SEMA6A: variants seen among roughly 807,000 people sequenced by gnomAD.
SEMA6A encodes semaphorin 6A.
Under a neutral mutation model 96.8 loss-of-function variants are expected in SEMA6A, and 25 were observed. The observed-to-expected ratio is 0.26, with a 90% CI of 0.19 to 0.36. The LOEUF is 0.36. Among genes scored for constraint, SEMA6A ranks in the 10% least tolerant of loss-of-function variants. The probability of loss-of-function intolerance (pLI) is 1.00; values close to 1 mark genes in which losing one functional copy is unlikely to be tolerated. For synonymous variants in SEMA6A, 612 were observed against 518.0 expected (o/e 1.18, Z -2.46); for missense variants, 1,363 against 1,323.1 (o/e 1.03, Z -0.47).
intron 7 of SEMA6A, among the ~76,000 whole-genome samples, chr5:116,489,793 A>C (rs1432524641): frequency 3.3e-5 from 5 of 152,236 alleles, no homozygotes; most frequent in Admixed American, 3.3e-4. Context: ...ACTGAAGATT[A>C]GTCTCTAGAC....
intron 1 of SEMA6A, among the ~76,000 whole-genome samples, chr5:116,566,246 G>A (rs79966886): frequency 0.016 from 2,501 of 152,254 alleles, 38 homozygotes; most frequent in Non-Finnish European, 0.024. Context: ...GGCGTAAACA[G>A]CACCAACTTT....
intron 18 of SEMA6A, among the ~76,000 whole-genome samples, chr5:116,458,574 A>G (rs754146553): frequency 6.6e-6 from 1 of 152,202 alleles, no homozygotes; most frequent in Non-Finnish European, 1.5e-5. Context: ...TCAAGTCTCC[A>G]TAATCATAAT....
intron 1 of SEMA6A, among the ~76,000 whole-genome samples, chr5:116,553,883 TAAAA>T (rs1561533808): frequency 3.3e-5 from 5 of 152,220 alleles, no homozygotes; most frequent in Admixed American, 1.3e-4. Flanking sequence ...TACCATTTTT[TAAAA>T]TAAGTAATTA....
chr5:116,557,140 G>A (rs1450443285), intron 1 of SEMA6A, among the ~76,000 whole-genome samples: 1 of 152,224 alleles, frequency 6.6e-6, no homozygotes, highest in Non-Finnish European at 1.5e-5. Context: ...ATGTGTTGAA[G>A]TTTGAGAACT....
At chr5:116,501,241 T>C (rs191815813) in intron 3 of SEMA6A, among the ~76,000 whole-genome samples, 14 of 152,332 alleles carry the variant, frequency 9.2e-5, no homozygotes, top group African/African-American at 2.6e-4. Context: ...AGGATACTTA[T>C]GGCCAGACAA....
At chr5:116,520,885 C>G (rs1299980986) in intron 1 of SEMA6A, among the ~76,000 whole-genome samples, 1 of 152,152 alleles carries the variant, frequency 6.6e-6, no homozygotes, top group East Asian at 1.9e-4. Flanking sequence ...CTGTTCAGAG[C>G]AGGAAGCCAC....
Position 116,477,714 on chromosome 5 carries a change from G to C in SEMA6A, c.1649+132C>G, listed in dbSNP as rs17432634. ...ATGAAATGGGAAAGGGTAGGAGAAA[G>C]GCTGACAGTCCCGTTGCTGGAGTTT... On this transcript the variant is annotated intron_variant, in intron 15 of 18. Coordinates refer to ENST00000343348, the MANE Select transcript of SEMA6A (RefSeq NM_020796.5). 1,094 of 833,004 alleles carry C rather than the reference G, an allele frequency of 1.3e-3. 11 individuals carry two copies. Among genetic ancestry groups the C allele is most frequent in the Middle Eastern group, 0.013 (36 of 2,760 alleles). The allele number at this position is 833,004 out of a possible 1,614,324, so 51.6% of individuals were successfully genotyped here.
chr5:116,499,272 T>G (rs1186085739), intron 3 of SEMA6A: 1 of 152,214 alleles, frequency 6.6e-6, no homozygotes, highest in Non-Finnish European at 1.5e-5. Context: ...CCCAACCATC[T>G]TAGTGTACAT....
chr5:116,488,191 A>G lies in SEMA6A; in HGVS notation c.661T>C (p.Tyr221His). Reference protein sequence around the residue: ...KHDSKWLKEPYFVQAVDYGDY... With the variant: ...KHDSKWLKEPHFVQAVDYGDY... ...CCGTAATCCACGGCTTGAACAAAGT[A>G]TGGTTCTGTAGACAAACAGGCACTT... Residue 221 changes from tyrosine to histidine, a missense_variant, in exon 9 of 19, where the codon TAC (tyrosine) becomes CAC (histidine). Coordinates refer to ENST00000343348, the MANE Select transcript of SEMA6A (RefSeq NM_020796.5). 2 of 1,606,950 alleles carry G rather than the reference A, an allele frequency of 1.2e-6. No homozygotes were observed. Among genetic ancestry groups the G allele is most frequent in the Non-Finnish European group, 1.7e-6 (2 of 1,175,476 alleles).
At chr5:116,470,332 G>A (rs951191160) in intron 17 of SEMA6A, among the ~76,000 whole-genome samples, 1 of 152,174 alleles carries the variant, frequency 6.6e-6, no homozygotes, top group African/African-American at 2.4e-5. Context: ...ATTTGTGGAT[G>A]TGATATCATA....
intron 18 of SEMA6A, among the ~76,000 whole-genome samples, chr5:116,460,057 AAAAAAT>A (rs904314395): frequency 1.8e-4 from 27 of 151,954 alleles, no homozygotes; most frequent in Middle Eastern, 3.4e-3. Flanking sequence ...GAAAATGATA[AAAAAAT>A]AAAAATAAAA....
chr5:116,449,579 C>G (rs529622391), intron 18 of SEMA6A: 1 of 514,292 alleles, frequency 1.9e-6, no homozygotes, highest in East Asian at 3.2e-5. Context: ...TTTTAAAACC[C>G]AGAAACCTTA....
chr5:116,532,547 C>G (rs185876737), intron 1 of SEMA6A, among the ~76,000 whole-genome samples: 30 of 152,156 alleles, frequency 2.0e-4, no homozygotes, highest in Admixed American at 5.9e-4. Context: ...CTGATCCCTC[C>G]CCCCCAGTCC....
chr5:116,461,200 AAG>A (rs1373858275), intron 18 of SEMA6A, among the ~76,000 whole-genome samples: 3 of 152,108 alleles, frequency 2.0e-5, no homozygotes, highest in Non-Finnish European at 4.4e-5. Flanking sequence ...TCTAATTCAA[AAG>A]AGTTTTTGGA....
At chr5:116,550,111 T>C (rs926348286) in intron 1 of SEMA6A, 6 of 152,204 alleles carry the variant, frequency 3.9e-5, no homozygotes, top group African/African-American at 1.4e-4. Flanking sequence ...GCACTTTAAA[T>C]CACAGTCATT....
At chr5:116,548,947 T>G (rs573072480) in intron 1 of SEMA6A, among the ~76,000 whole-genome samples, 1 of 152,198 alleles carries the variant, frequency 6.6e-6, no homozygotes, top group Non-Finnish European at 1.5e-5. Flanking sequence ...CATGATCTTG[T>G]AGATAGAGTA....
Position 116,574,253 on chromosome 5 carries a change from G to A in SEMA6A, c.-107C>T, listed in dbSNP as rs1346866806. ...ACTGGTACAGCGTGTATCCCATTTA[G>A]TAATCCATTATCGAGGGGATCTCTC... On this transcript the variant is annotated 5_prime_UTR_variant, in exon 1 of 19. Transcript: ENST00000343348. The A allele has an allele frequency of 1.3e-5, 2 of 152,266 alleles. No homozygotes were observed. Among genetic ancestry groups the A allele is most frequent in the African/African-American group, 4.8e-5 (2 of 41,322 alleles). 9.4% of individuals were successfully genotyped at this position (152,266 alleles called of 1,614,324 possible).
intron 9 of SEMA6A, among the ~76,000 whole-genome samples, chr5:116,487,667 C>T (rs1194478699): frequency 6.6e-6 from 1 of 152,064 alleles, no homozygotes; most frequent in African/African-American, 2.4e-5. Context: ...GAGTTCGAGA[C>T]CACCCTGCCA....
At chr5:116,484,521 G>A (rs1332259732) in intron 10 of SEMA6A, among the ~76,000 whole-genome samples, 1 of 151,800 alleles carries the variant, frequency 6.6e-6, no homozygotes, top group Admixed American at 6.6e-5. Context: ...TAAGAATAAT[G>A]ACAAAAATAA....
Sources: allele counts gnomAD v4.1 joint callset (sites outside exome capture counted in the v4.1 genomes callset), GRCh38; gene constraint gnomAD v4.1.1; transcripts MANE v1.5; gene names NCBI Gene and HGNC (gene_info 2026-07-23, HGNC 2026-07-21).